The following HMCN1 variants were observed in gnomAD, a reference collection of about 807,000 sequenced individuals.
HMCN1 encodes the protein hemicentin 1.
In HMCN1, 321 loss-of-function variants were observed where a neutral mutation model predicts 625.9. The observed-to-expected ratio is 0.51, with a 90% CI of 0.47 to 0.56. The LOEUF is 0.56. HMCN1 is among the 20% of genes least tolerant of loss of function. The pLI, the probability that HMCN1 is intolerant of heterozygous loss-of-function variation, is 0.00. For synonymous variants in HMCN1, 2,425 were observed against 2,417.6 expected, an observed-to-expected ratio of 1.00 and a Z score of -0.09; for missense variants, 6,588 against 6,887.3, an observed-to-expected ratio of 0.96 and a Z score of 1.54.
chr1:185,858,510 C>T lies in HMCN1; in HGVS notation c.340-5960C>T, dbSNP rs60452710. 3.1e-3 allele frequency among the ~76,000 whole-genome samples: 452 copies of T among 143,850 alleles called. 1 individual carries two copies. The highest frequency in any genetic ancestry group is 0.011 in the African/African-American group (428 of 38,538). 94.4% of individuals were successfully genotyped at this position (143,850 alleles called of 152,430 possible). A position where few individuals can be genotyped will look rare whatever the true frequency, so the allele number is the denominator to read the frequency against. ...TGGCATAATCATGGTTCACTGCAGT[C>T]TCCACTTACCCAGAGCCTTCTGAGT... On this transcript the variant is annotated intron_variant, in intron 2 of 106. Coordinates refer to ENST00000271588, the MANE Select transcript of HMCN1 (RefSeq NM_031935.3).
At chr1:186,181,967 G>A (rs941136459) in intron 104 of HMCN1, among the ~76,000 whole-genome samples, 2 of 152,132 alleles carry the variant, frequency 1.3e-5, no homozygotes, top group African/African-American at 2.4e-5. Context: ...ATATAGTACT[G>A]TGTATATAGT....
chr1:185,948,838 C>T (rs1164304921), intron 11 of HMCN1, among the ~76,000 whole-genome samples: 1 of 151,458 alleles, frequency 6.6e-6, no homozygotes, highest in East Asian at 1.9e-4. Context: ...CGATGTTTCT[C>T]AGGGCTGCTT....
At chr1:186,114,260 T>G in intron 73 of HMCN1, 137 bp downstream of exon 73, 6 of 962,670 alleles carry the variant, frequency 6.2e-6, no homozygotes, top group Non-Finnish European at 9.6e-6. Context: ...AAATTTAGTA[T>G]TTTATTATTT....
At chr1:185,787,697 C>G (rs1657721336) in intron 1 of HMCN1, among the ~76,000 whole-genome samples, 1 of 152,150 alleles carries the variant, frequency 6.6e-6, no homozygotes, top group Non-Finnish European at 1.5e-5. Context: ...CTGTGTATCT[C>G]AGGGTATAAA....
At chr1:185,923,265 C>T in intron 7 of HMCN1, 125 bp from the exon 8 acceptor site, 1 of 758,254 alleles carries the variant, frequency 1.3e-6, no homozygotes, top group South Asian at 1.6e-5. Flanking sequence ...AACAATTCTG[C>T]AACTGATCCA....
chr1:185,873,575 T>C (rs1358488653), intron 4 of HMCN1, among the ~76,000 whole-genome samples: 2 of 152,094 alleles, frequency 1.3e-5, no homozygotes, highest in Non-Finnish European at 2.9e-5. Context: ...TCACACAGCC[T>C]CAACAATTTG....
intron 11 of HMCN1, among the ~76,000 whole-genome samples, chr1:185,934,202 T>A (rs1402754839): frequency 6.6e-6 from 1 of 152,186 alleles, no homozygotes; most frequent in Non-Finnish European, 1.5e-5. Flanking sequence ...AGTACTGTAT[T>A]TTTGCATACA....
intron 4 of HMCN1, among the ~76,000 whole-genome samples, chr1:185,868,811 A>G (rs961733519): frequency 6.6e-6 from 1 of 152,206 alleles, no homozygotes; most frequent in Non-Finnish European, 1.5e-5. Context: ...AATTTGATGT[A>G]AATTCAGAAA....
intron 4 of HMCN1, among the ~76,000 whole-genome samples, chr1:185,882,885 A>C (rs1031005392): frequency 6.6e-6 from 1 of 152,126 alleles, no homozygotes; most frequent in Non-Finnish European, 1.5e-5. Context: ...CAAAGATGGC[A>C]AAAGGTAGAG....
intron 75 of HMCN1, among the ~76,000 whole-genome samples, chr1:186,115,631 T>C (rs1376569597): frequency 6.6e-6 from 1 of 152,170 alleles, no homozygotes. Flanking sequence ...TGGATGAATG[T>C]CAGTGATTAT....
chr1:185,868,352 T>A (rs1419378057), intron 4 of HMCN1, among the ~76,000 whole-genome samples: 1 of 152,138 alleles, frequency 6.6e-6, no homozygotes, highest in Non-Finnish European at 1.5e-5. Context: ...CTCCCCCCAC[T>A]GCCCCCCAAT....
At chr1:185,836,783 A>G (rs2102300394) in intron 1 of HMCN1, among the ~76,000 whole-genome samples, 1 of 151,300 alleles carries the variant, frequency 6.6e-6, no homozygotes, top group Middle Eastern at 3.4e-3. Flanking sequence ...CCCTCTTCCC[A>G]CCCTCCACCT....
chr1:186,119,777 C>CTACA lies in HMCN1; in HGVS notation c.11990_11993dup (p.Val3999ThrfsTer13). 1.2e-6 allele frequency: 2 copies of CTACA among 1,614,016 alleles called. No homozygotes were observed. The highest frequency in any genetic ancestry group is 1.7e-6 in the Non-Finnish European group (2 of 1,179,924). On this transcript the variant is annotated frameshift_variant, in exon 79 of 107. Coordinates refer to ENST00000271588, the MANE Select transcript of HMCN1 (RefSeq NM_031935.3). LOFTEE classifies it high-confidence loss of function. ...AGTCATTCAGCCCCAACCAAGTGAA[C>CTACA]TACACGTCATTCTGAACAATCCTAT... is the stretch of plus-strand genomic sequence containing the variant.
intron 4 of HMCN1, among the ~76,000 whole-genome samples, chr1:185,888,485 A>G (rs1208686792): frequency 2.1e-5 from 3 of 142,848 alleles, no homozygotes; most frequent in Non-Finnish European, 4.5e-5. Flanking sequence ...TAATTTTTGT[A>G]TAAGGTGTAA....
At chr1:185,747,511 G>T (rs1272857536) in intron 1 of HMCN1, among the ~76,000 whole-genome samples, 1 of 151,912 alleles carries the variant, frequency 6.6e-6, no homozygotes, top group Non-Finnish European at 1.5e-5. Context: ...GTACAGACAG[G>T]GTTTCACCAT....
chr1:186,055,736 G>A (rs183524481), intron 45 of HMCN1, 62 bp downstream of exon 45: 12 of 1,471,218 alleles, frequency 8.2e-6, no homozygotes, highest in Admixed American at 1.7e-5. Flanking sequence ...ATCCTGGATG[G>A]GAGATATAGG....
intron 82 of HMCN1, among the ~76,000 whole-genome samples, chr1:186,127,282 TTGTA>T (rs563426055): frequency 5.3e-5 from 8 of 152,106 alleles, no homozygotes; most frequent in Middle Eastern, 3.4e-3. Context: ...GACTTTGAGT[TTGTA>T]AGAAAGTATC....
chr1:185,762,823 A>G (rs536952853), intron 1 of HMCN1, among the ~76,000 whole-genome samples: 2 of 152,330 alleles, frequency 1.3e-5, no homozygotes, highest in Admixed American at 6.5e-5. Context: ...ACAAGGTCCC[A>G]GGTATTTTAA....
At chr1:185,975,021 G>T (rs1651098415) in intron 15 of HMCN1, among the ~76,000 whole-genome samples, 1 of 152,142 alleles carries the variant, frequency 6.6e-6, no homozygotes. Flanking sequence ...CAAGCAGTTG[G>T]TTGATTCCAG....
Sources: allele counts gnomAD v4.1 joint callset (sites outside exome capture counted in the v4.1 genomes callset), GRCh38; gene constraint gnomAD v4.1.1; transcripts MANE v1.5; gene names NCBI Gene and HGNC (gene_info 2026-07-23, HGNC 2026-07-21).